The following INPP4B variants were observed in gnomAD, a reference collection of about 807,000 sequenced individuals.
The protein encoded by INPP4B is inositol polyphosphate 4-phosphatase type II.
In INPP4B, 55 loss-of-function variants were observed where a neutral mutation model predicts 122.5. The ratio of observed to expected loss-of-function variants is 0.45; its 90% CI spans 0.36 to 0.56. The LOEUF (loss-of-function observed/expected upper bound fraction) is 0.56, where lower values mean the gene tolerates loss of function less well. Ranked by LOEUF, INPP4B falls within the 20% of genes least tolerant of loss-of-function variation. The probability of loss-of-function intolerance (pLI) is 0.00; values close to 1 mark genes in which losing one functional copy is unlikely to be tolerated. For missense variants in INPP4B, 1,000 were observed against 1,097.7 expected (o/e 0.91, Z 1.26); for synonymous variants, 403 against 388.7 (o/e 1.04, Z -0.43).
intron 25 of INPP4B, among the ~76,000 whole-genome samples, chr4:142,080,941 T>A (rs1350300369): frequency 6.6e-6 from 1 of 152,188 alleles, no homozygotes; most frequent in East Asian, 1.9e-4. Flanking sequence ...CAACCAAACA[T>A]GTTGTATATG....
At chr4:142,196,630 T>C (rs929839541) in intron 14 of INPP4B, among the ~76,000 whole-genome samples, 8 of 152,190 alleles carry the variant, frequency 5.3e-5, no homozygotes, top group African/African-American at 1.9e-4. Context: ...GGATGACTAC[T>C]GCCTCTCAAT....
At chr4:142,833,395 G>T (rs1237402428) in intron 1 of INPP4B, among the ~76,000 whole-genome samples, 3 of 151,872 alleles carry the variant, frequency 2.0e-5, no homozygotes, top group Non-Finnish European at 4.4e-5. Flanking sequence ...CACCCAAGAT[G>T]AATTTATATA....
At chr4:142,106,516 C>T (rs1316342538) in intron 23 of INPP4B, among the ~76,000 whole-genome samples, 1 of 152,052 alleles carries the variant, frequency 6.6e-6, no homozygotes, top group Non-Finnish European at 1.5e-5. Context: ...AACTTATATT[C>T]CTATGAAGAG....
chr4:142,138,357 A>G (rs1347848978), intron 18 of INPP4B, among the ~76,000 whole-genome samples: 1 of 125,252 alleles, frequency 8.0e-6, no homozygotes, highest in African/African-American at 3.1e-5. Flanking sequence ...GGACACAGGA[A>G]GGGGAACATC....
intron 3 of INPP4B, among the ~76,000 whole-genome samples, chr4:142,434,462 G>C (rs774751447): frequency 1.3e-5 from 2 of 152,126 alleles, no homozygotes; most frequent in Non-Finnish European, 2.9e-5. Context: ...ACTTTCTACC[G>C]GGGGTGGAAG....
intron 1 of INPP4B, among the ~76,000 whole-genome samples, chr4:142,764,389 T>C (rs1327693835): frequency 6.6e-6 from 1 of 151,914 alleles, no homozygotes; most frequent in Non-Finnish European, 1.5e-5. Flanking sequence ...TACACAATAA[T>C]AAAAAATTCA....
intron 23 of INPP4B, among the ~76,000 whole-genome samples, chr4:142,090,883 A>G (rs1163488812): frequency 2.0e-5 from 3 of 152,322 alleles, no homozygotes; most frequent in East Asian, 1.9e-4. Flanking sequence ...CACAAATGCC[A>G]TATGTGTCAA....
intron 2 of INPP4B, among the ~76,000 whole-genome samples, chr4:142,720,809 C>CTCTCTATATATATA (rs1553997412): frequency 1.5e-4 from 2 of 12,944 alleles, no homozygotes; most frequent in Non-Finnish European, 3.2e-4. Context: ...CTCTCTCTCT[C>CTCTCTATATATATA]TATATATATA....
At chr4:142,803,187 G>GA (rs1315134991) in intron 1 of INPP4B, among the ~76,000 whole-genome samples, 3,584 of 139,296 alleles carry the variant, frequency 0.026, 72 homozygotes, top group Non-Finnish European at 0.042. Flanking sequence ...AAAAAAAAAA[G>GA]AAAGAAAGAA....
chr4:142,614,120 G>T (rs868513573), intron 2 of INPP4B, among the ~76,000 whole-genome samples: 29 of 152,172 alleles, frequency 1.9e-4, no homozygotes, highest in African/African-American at 7.0e-4. Context: ...ACCCACAGGA[G>T]GCTGAGGCAG....
chr4:142,309,046 A>G (rs1764467453), intron 8 of INPP4B, among the ~76,000 whole-genome samples: 1 of 152,186 alleles, frequency 6.6e-6, no homozygotes, highest in Non-Finnish European at 1.5e-5. Flanking sequence ...GCTGAAAAAA[A>G]TGCCTATGAT....
intron 3 of INPP4B, among the ~76,000 whole-genome samples, chr4:142,460,081 T>A (rs1041243723): frequency 7.9e-5 from 12 of 152,298 alleles, no homozygotes; most frequent in African/African-American, 2.9e-4. Context: ...TTTCTAGAAC[T>A]TGCTATATCC....
intron 1 of INPP4B, among the ~76,000 whole-genome samples, chr4:142,827,464 A>G (rs898070394): frequency 6.6e-6 from 1 of 152,194 alleles, no homozygotes; most frequent in African/African-American, 2.4e-5. Flanking sequence ...CCATTCACCA[A>G]AAAAGGTGCA....
intron 25 of INPP4B, among the ~76,000 whole-genome samples, chr4:142,076,905 G>C (rs1771071522): frequency 6.6e-6 from 1 of 151,880 alleles, no homozygotes; most frequent in South Asian, 2.1e-4. Context: ...GTGGAAACAA[G>C]ACTAAAGACA....
chr4:142,071,176 A>G (rs538301249), intron 25 of INPP4B, among the ~76,000 whole-genome samples: 1 of 152,294 alleles, frequency 6.6e-6, no homozygotes, highest in Admixed American at 6.5e-5. Context: ...CTCAGAAATA[A>G]TACCACACAT....
intron 2 of INPP4B, among the ~76,000 whole-genome samples, chr4:142,619,834 A>G (rs531514243): frequency 6.6e-6 from 1 of 152,014 alleles, no homozygotes; most frequent in African/African-American, 2.4e-5. Flanking sequence ...TCAGGAGTGG[A>G]TAAGAAAGGA....
At chr4:142,742,885 G>C (rs1388221817) in intron 1 of INPP4B, among the ~76,000 whole-genome samples, 4 of 151,926 alleles carry the variant, frequency 2.6e-5, no homozygotes, top group Non-Finnish European at 4.4e-5. Flanking sequence ...TAAAATTTCA[G>C]TTATAATATC....
chr4:142,192,217 C>A (rs186443471), intron 15 of INPP4B, among the ~76,000 whole-genome samples: 1 of 150,670 alleles, frequency 6.6e-6, no homozygotes, highest in Non-Finnish European at 1.5e-5. Flanking sequence ...AGATACTACG[C>A]TTATTACTTC....
chr4:142,788,814 T>G (rs1776122336), intron 1 of INPP4B, among the ~76,000 whole-genome samples: 1 of 152,124 alleles, frequency 6.6e-6, no homozygotes. Flanking sequence ...CTTTTATGGC[T>G]GAGTAGTATT....
Sources: allele counts gnomAD v4.1 joint callset (sites outside exome capture counted in the v4.1 genomes callset), GRCh38; gene constraint gnomAD v4.1.1; transcripts MANE v1.5; gene names NCBI Gene and HGNC (gene_info 2026-07-23, HGNC 2026-07-21).